ME1: variants seen among roughly 807,000 people sequenced by gnomAD.
ME1 encodes NADP-dependent malic enzyme.
In ME1, 74 loss-of-function variants were observed where a neutral mutation model predicts 66.4. The observed-to-expected ratio is 1.11, with a 90% confidence interval of 0.92 to 1.35. The LOEUF is 1.35. Ranked by LOEUF, ME1 falls within the 40% of genes most tolerant of loss-of-function variation. ME1 has a pLI of 0.00. For missense variants in ME1, 750 were observed against 694.1 expected (o/e 1.08, Z -0.90); for synonymous variants, 251 against 235.6 (o/e 1.07, Z -0.60).
chr6:83,315,399 A>T lies in ME1; in HGVS notation c.615T>A (p.Asp205Glu). 1 of 1,588,908 alleles carries T rather than the reference A, an allele frequency of 6.3e-7. No homozygotes were observed. The highest frequency in any genetic ancestry group is 8.6e-7 in the Non-Finnish European group (1 of 1,165,258). ...VGTENEELLKDPLYIGLRQRR... is the reference protein window; with the variant it reads ...VGTENEELLKEPLYIGLRQRR... ...TCTGCCGTAGTCCAATGTAGAGTGG[A>T]TCTTTAAGTAACTCCTATTAAAAAA... Residue 205 changes from aspartate to glutamate, a missense_variant, in exon 6 of 14, where the codon GAT becomes GAA. Transcript: ENST00000369705.
At chr6:83,368,510 T>C (rs922484271) in intron 3 of ME1, among the ~76,000 whole-genome samples, 13 of 152,216 alleles carry the variant, frequency 8.5e-5, no homozygotes, top group Non-Finnish European at 1.6e-4. Flanking sequence ...ATATTAACTA[T>C]AAATTACATT....
chr6:83,362,788 T>C (rs12524851), intron 3 of ME1, among the ~76,000 whole-genome samples: 50,687 of 152,122 alleles, frequency 0.33, 8,819 homozygotes, highest in Middle Eastern at 0.5. Context: ...GACTACCATC[T>C]GTGGACTCAC....
intron 1 of ME1, among the ~76,000 whole-genome samples, chr6:83,419,590 A>T (rs913894728): frequency 2.0e-5 from 3 of 152,228 alleles, no homozygotes; most frequent in African/African-American, 7.2e-5. Context: ...AGGGAGGGGA[A>T]CCAGCTAGCC....
In ME1 at chr6:83,227,085, T is replaced by C. The variant is rs927041637; in HGVS notation, c.1275+250A>G. Among the ~76,000 whole-genome samples the C allele has an allele frequency of 3.9e-5, 4 of 102,796 alleles. 1 individual carries two copies. The South Asian group carries it at 1.1e-3, about 30-fold the overall frequency. 67.4% of individuals were successfully genotyped at this position (102,796 alleles called of 152,430 possible). A position where few individuals can be genotyped will look rare whatever the true frequency, so the allele number is the denominator to read the frequency against. On this transcript the variant is annotated intron_variant, in intron 11 of 13. Transcript: ENST00000369705. ...AACTTTTATGTTTAAATCTTAGATA[T>C]CTATTTCCAAATCACTTGTGGAAAA...
At chr6:83,379,685 T>A (rs1769358831) in intron 3 of ME1, among the ~76,000 whole-genome samples, 1 of 152,072 alleles carries the variant, frequency 6.6e-6, no homozygotes, top group South Asian at 2.1e-4. Context: ...ATCCATCCTT[T>A]TCCATTATTA....
At chr6:83,349,132 T>C (rs1456730269) in intron 4 of ME1, among the ~76,000 whole-genome samples, 1 of 151,632 alleles carries the variant, frequency 6.6e-6, no homozygotes, top group African/African-American at 2.4e-5. Flanking sequence ...TGTAGTAGTT[T>C]GAGAAGTTTT....
chr6:83,284,447 G>A (rs1374502462), intron 6 of ME1, among the ~76,000 whole-genome samples: 1 of 152,002 alleles, frequency 6.6e-6, no homozygotes, highest in African/African-American at 2.4e-5. Flanking sequence ...CAAAAAAAGA[G>A]AAAACTACAG....
In ME1 at chr6:83,223,950, T is replaced by A. The variant is rs1426449165; in HGVS notation, c.1276-17A>T. ...TGCACGTCCCTACAACAAAGACACATACAACTCACTTTAAAAAGAAGCAGA... is the reference window on the plus strand; with the variant it reads ...TGCACGTCCCTACAACAAAGACACAAACAACTCACTTTAAAAAGAAGCAGA... On this transcript the variant is annotated splice_polypyrimidine_tract_variant and intron_variant, in intron 11 of 13. Coordinates refer to ENST00000369705, the MANE Select transcript of ME1 (RefSeq NM_002395.6). 2.5e-6 allele frequency: 4 copies of A among 1,605,596 alleles called. No homozygotes were observed. The highest frequency in any genetic ancestry group is 4.5e-5 in the East Asian group (2 of 44,714).
intron 6 of ME1, among the ~76,000 whole-genome samples, chr6:83,265,102 A>T (rs1429312621): frequency 6.6e-6 from 1 of 152,240 alleles, no homozygotes; most frequent in Non-Finnish European, 1.5e-5. Context: ...CATTGTAATC[A>T]GTCAGCAGCT....
At chr6:83,238,992 C>G (rs1450015444) in intron 8 of ME1, among the ~76,000 whole-genome samples, 1 of 151,600 alleles carries the variant, frequency 6.6e-6, no homozygotes, top group East Asian at 1.9e-4. Flanking sequence ...CAAGTAATAA[C>G]AAAGCATAAT....
chr6:83,317,491 T>C (rs1768057637), intron 5 of ME1, among the ~76,000 whole-genome samples: 1 of 151,842 alleles, frequency 6.6e-6, no homozygotes, highest in African/African-American at 2.4e-5. Context: ...ATAGGAATGC[T>C]TGTGATTTTT....
chr6:83,358,478 T>C (rs964391698), intron 3 of ME1, among the ~76,000 whole-genome samples: 3 of 152,196 alleles, frequency 2.0e-5, no homozygotes, highest in African/African-American at 7.2e-5. Context: ...GTGAGAGTCT[T>C]ATCTCCTGTA....
At chr6:83,426,727 G>A (rs1311295017) in intron 1 of ME1, among the ~76,000 whole-genome samples, 6 of 152,240 alleles carry the variant, frequency 3.9e-5, no homozygotes, top group East Asian at 1.9e-4. Context: ...AATTAACTTC[G>A]ATAAAACACT....
At chr6:83,321,854 G>A (rs548741736) in intron 5 of ME1, among the ~76,000 whole-genome samples, 22 of 152,290 alleles carry the variant, frequency 1.4e-4, no homozygotes, top group South Asian at 4.1e-4. Flanking sequence ...GCCTCCTGAC[G>A]GAGAGACACC....
At chr6:83,410,602 G>C (rs977998881) in intron 1 of ME1, among the ~76,000 whole-genome samples, 3 of 152,042 alleles carry the variant, frequency 2.0e-5, no homozygotes, top group Non-Finnish European at 4.4e-5. Context: ...AAAATGAAAA[G>C]GGGAAAGGAA....
chr6:83,269,034 T>A (rs1767040201), intron 6 of ME1, among the ~76,000 whole-genome samples: 1 of 152,140 alleles, frequency 6.6e-6, no homozygotes, highest in African/African-American at 2.4e-5. Context: ...GGTGGTATAT[T>A]AAACCATGAT....
intron 6 of ME1, among the ~76,000 whole-genome samples, chr6:83,300,093 T>C (rs2128536528): frequency 6.6e-6 from 1 of 152,142 alleles, no homozygotes; most frequent in South Asian, 2.1e-4. Context: ...CAGGTTTTGG[T>C]ATCAGGCAGC....
rs199839173 is a variant in ME1 at position 83,325,948 on chromosome 6, CA to C, written c.601-10536del. 1.9e-3 allele frequency among the ~76,000 whole-genome samples: 233 copies of C among 120,798 alleles called. 1 individual carries two copies. The highest frequency in any genetic ancestry group is 4.8e-3 in the African/African-American group (152 of 31,722). The allele number at this position is 120,798 out of a possible 152,430, so 79.2% of individuals were successfully genotyped here. On this transcript the variant is annotated intron_variant, in intron 5 of 13. Transcript: ENST00000369705. ...AAAAAACACAAAAAAACGAAGCAAA[CA>C]AAAAAAAAAAAAAACAAAGCTGGAG...
At chr6:83,256,116 C>T (rs952390847) in intron 6 of ME1, among the ~76,000 whole-genome samples, 7 of 152,076 alleles carry the variant, frequency 4.6e-5, no homozygotes, top group African/African-American at 7.2e-5. Flanking sequence ...CAATCTTGTC[C>T]TCCTTACATA....
Sources: gnomAD v4.1 joint callset for allele counts (sites outside exome capture counted in the v4.1 genomes callset) on GRCh38, gnomAD v4.1.1 for gene constraint, MANE v1.5 for transcripts, NCBI Gene and HGNC (gene_info 2026-07-23, HGNC 2026-07-21) for gene names.